Variants in LRMDA observed in about 807,000 individuals in gnomAD.
The protein encoded by LRMDA is leucine-rich melanocyte differentiation-associated protein.
In LRMDA, 18 loss-of-function variants were observed where a neutral mutation model predicts 29.8. That is an observed-to-expected ratio of 0.60 (90% CI 0.42 to 0.90). LRMDA has a LOEUF of 0.90. Ranked by LOEUF, LRMDA falls within the 40% of genes least tolerant of loss-of-function variation. The pLI is 0.00. For missense variants in LRMDA, 273 were observed against 273.9 expected (o/e 1.00, Z 0.02); for synonymous variants, 125 against 109.4 (o/e 1.14, Z -0.89).
At chr10:75,630,297 A>G (rs1841306569) in intron 2 of LRMDA, among the ~76,000 whole-genome samples, 1 of 152,236 alleles carries the variant, frequency 6.6e-6, no homozygotes, top group Non-Finnish European at 1.5e-5. Context: ...TGCAGAAAGC[A>G]GGAAGACCAT....
At chr10:76,371,382 T>C (rs1164137517) in intron 6 of LRMDA, among the ~76,000 whole-genome samples, 1 of 152,114 alleles carries the variant, frequency 6.6e-6, no homozygotes, top group East Asian at 1.9e-4. Flanking sequence ...ACAGTATGAG[T>C]TTAGTGTTTC....
chr10:76,202,084 C>T (rs937040237), intron 5 of LRMDA, among the ~76,000 whole-genome samples: 1 of 152,100 alleles, frequency 6.6e-6, no homozygotes, highest in Non-Finnish European at 1.5e-5. Flanking sequence ...CAGCAAAGAA[C>T]AAGCCCCGTA....
intron 2 of LRMDA, among the ~76,000 whole-genome samples, chr10:75,772,296 T>G (rs987071346): frequency 1.3e-5 from 2 of 152,232 alleles, no homozygotes; most frequent in Admixed American, 6.5e-5. Context: ...CCTTCAGTAT[T>G]TAAGTCAGTC....
chr10:76,146,015 T>G (rs567901065), intron 5 of LRMDA, among the ~76,000 whole-genome samples: 33 of 151,950 alleles, frequency 2.2e-4, no homozygotes, highest in Middle Eastern at 3.4e-3. Context: ...GTGAGTTTCT[T>G]AATCCTGAGT....
intron 2 of LRMDA, among the ~76,000 whole-genome samples, chr10:75,721,109 T>A (rs894693977): frequency 2.0e-5 from 3 of 152,224 alleles, no homozygotes; most frequent in African/African-American, 7.2e-5. Context: ...TGCATAACCA[T>A]TTTGTTCTGG....
chr10:76,554,651 T>C (rs928289310), intron 6 of LRMDA, among the ~76,000 whole-genome samples: 1 of 152,162 alleles, frequency 6.6e-6, no homozygotes, highest in Non-Finnish European at 1.5e-5. Context: ...CTTTTATCAA[T>C]GCCAGCCAGA....
At chr10:76,527,059 A>AAG (rs1843184142) in intron 6 of LRMDA, among the ~76,000 whole-genome samples, 1 of 148,872 alleles carries the variant, frequency 6.7e-6, no homozygotes, top group Non-Finnish European at 1.5e-5. Context: ...CAAAAAAAAA[A>AAG]AAAAAAAAAG....
chr10:75,684,697 G>C (rs11001463), intron 2 of LRMDA, among the ~76,000 whole-genome samples: 5,665 of 152,166 alleles, frequency 0.037, 267 homozygotes, highest in African/African-American at 0.11. Flanking sequence ...ATTTAAGATG[G>C]GGTGTTTTCC....
chr10:75,896,366 C>G (rs1845582140), intron 2 of LRMDA, among the ~76,000 whole-genome samples: 1 of 152,194 alleles, frequency 6.6e-6, no homozygotes, highest in Non-Finnish European at 1.5e-5. Flanking sequence ...AAATATGAAA[C>G]ACTTAGAATA....
At chr10:76,159,514 A>T (rs1422292168) in intron 5 of LRMDA, among the ~76,000 whole-genome samples, 1 of 152,198 alleles carries the variant, frequency 6.6e-6, no homozygotes, top group South Asian at 2.1e-4. Context: ...CTTATGATCC[A>T]GCCATCACAC....
At chr10:76,336,679 C>T (rs1840973025) in intron 6 of LRMDA, among the ~76,000 whole-genome samples, 1 of 151,974 alleles carries the variant, frequency 6.6e-6, no homozygotes, top group South Asian at 2.1e-4. Flanking sequence ...CCCACCCTCC[C>T]CCAAAGGAAA....
intron 2 of LRMDA, among the ~76,000 whole-genome samples, chr10:75,611,719 G>A (rs1047364783): frequency 3.3e-5 from 5 of 152,272 alleles, no homozygotes; most frequent in East Asian, 1.9e-4. Flanking sequence ...GTAGAGAAAT[G>A]TGCTCCCCTT....
At chr10:76,265,373 C>G (rs1433078647) in intron 5 of LRMDA, among the ~76,000 whole-genome samples, 1 of 152,200 alleles carries the variant, frequency 6.6e-6, no homozygotes, top group Non-Finnish European at 1.5e-5. Context: ...CAACTAGGCA[C>G]TTCACAATCA....
At chr10:76,472,987 C>T (rs1842633312) in intron 6 of LRMDA, among the ~76,000 whole-genome samples, 1 of 151,494 alleles carries the variant, frequency 6.6e-6, no homozygotes, top group Non-Finnish European at 1.5e-5. Context: ...AAAGTCTTCC[C>T]AAAATAGAGA....
At position 76,058,794 on chromosome 10, in the gene LRMDA, T is replaced by C. The variant is rs530529602; in HGVS notation, c.516+11T>C. On this transcript the variant is annotated intron_variant, in intron 5 of 6. Transcript: ENST00000611255. ...GTGGTGAAGCCCAAGGTGAGCTGCCTACTTGCTGTTCTTCACAAGGGATTT... is the reference window on the plus strand; with the variant it reads ...GTGGTGAAGCCCAAGGTGAGCTGCCCACTTGCTGTTCTTCACAAGGGATTT... The C allele has an allele frequency of 3.2e-6, 5 of 1,587,200 alleles. No individual in the cohort carries two copies. In the South Asian group the frequency reaches 3.3e-5, roughly 11 times the overall value.
chr10:75,556,161 G>A (rs1050498420), intron 2 of LRMDA, among the ~76,000 whole-genome samples: 3 of 151,982 alleles, frequency 2.0e-5, no homozygotes, highest in Non-Finnish European at 4.4e-5. Context: ...GAGTCAAGAA[G>A]CTCAATCATT....
At chr10:75,504,273 C>T (rs548577710) in intron 2 of LRMDA, among the ~76,000 whole-genome samples, 4 of 152,222 alleles carry the variant, frequency 2.6e-5, no homozygotes, top group South Asian at 2.1e-4. Flanking sequence ...GGGTTATAGG[C>T]GTGAGCCACG....
intron 6 of LRMDA, among the ~76,000 whole-genome samples, chr10:76,554,851 G>C (rs983217473): frequency 7.2e-6 from 1 of 139,758 alleles, no homozygotes; most frequent in Admixed American, 7.8e-5. Flanking sequence ...TTACTGGAGA[G>C]AGGGCACTCA....
At chr10:75,933,305 G>A (rs982617119) in intron 2 of LRMDA, among the ~76,000 whole-genome samples, 12 of 152,130 alleles carry the variant, frequency 7.9e-5, no homozygotes, top group Admixed American at 4.6e-4. Context: ...GTCACTCCAC[G>A]CTCATCCATG....
Sources: gnomAD v4.1 joint callset for allele counts (sites outside exome capture counted in the v4.1 genomes callset) on GRCh38, gnomAD v4.1.1 for gene constraint, MANE v1.5 for transcripts, NCBI Gene and HGNC (gene_info 2026-07-23, HGNC 2026-07-21) for gene names.